PRDM15: variants seen among roughly 807,000 people sequenced by gnomAD.
PRDM15 encodes the protein PR/SET domain 15, also known as PR domain zinc finger protein 15.
PRDM15 carries 64 observed loss-of-function variants against 128.6 expected under a neutral mutation model. The ratio of observed to expected loss-of-function variants is 0.50; its 90% CI spans 0.41 to 0.61. The LOEUF is 0.61. PRDM15 is among the 20% of genes least tolerant of loss of function. The pLI is 0.00. For synonymous variants in PRDM15, 615 were observed against 621.8 expected, an observed-to-expected ratio of 0.99 and a Z score of 0.16; for missense variants, 1,242 against 1,569.1, an observed-to-expected ratio of 0.79 and a Z score of 3.52.
intron 1 of PRDM15, chr21:41,867,442 C>A: frequency 8.1e-7 from 1 of 1,234,708 alleles, no homozygotes; most frequent in East Asian, 2.3e-5. Flanking sequence ...GTGAAACATA[C>A]ATGTTGAAGA....
At chr21:41,838,125 C>A in intron 7 of PRDM15, 62 bp from the exon 8 acceptor site, 1 of 1,579,492 alleles carries the variant, frequency 6.3e-7, no homozygotes, top group Non-Finnish European at 8.6e-7. Flanking sequence ...CACAGTCAAA[C>A]CATGGTGACA....
intron 18 of PRDM15, among the ~76,000 whole-genome samples, chr21:41,816,795 G>T (rs1376654931): frequency 6.6e-6 from 1 of 152,050 alleles, no homozygotes; most frequent in Non-Finnish European, 1.5e-5. Flanking sequence ...ACACACAGCT[G>T]CACAACTCCT....
chr21:41,800,682 A>G lies in PRDM15; in HGVS notation c.*558T>C, dbSNP rs1049813190. 1 of 152,318 alleles carries G rather than the reference A, an allele frequency of 6.6e-6. No homozygotes were observed. The highest frequency in any genetic ancestry group is 1.9e-4 in the East Asian group (1 of 5,198). The allele number at this position is 152,318 out of a possible 1,614,324, so 9.4% of individuals were successfully genotyped here. On this transcript the variant is annotated 3_prime_UTR_variant, in exon 24 of 24. Coordinates refer to ENST00000398548, the MANE Select transcript of PRDM15 (RefSeq NM_001040424.3). ...CCTCATGGTTTCAGCCCATAGTTGT[A>G]TAAGAACCGACTCCACTCCTAGTTC...
Position 41,821,796 on chromosome 21 carries a change from G to A in PRDM15, c.1896+107C>T. Reference sequence around the variant, plus strand: ...TGGCCGGAGCCTTTGGGGAGGGAGGGCTGCTTCCGAGATGCATGAAGGTGC... The same window carrying A: ...TGGCCGGAGCCTTTGGGGAGGGAGGACTGCTTCCGAGATGCATGAAGGTGC... On this transcript the variant is annotated intron_variant, in intron 15 of 23. Transcript: ENST00000398548. This position sits in a 1 kb window ranked among gnomAD's most constrained non-coding sequence, Gnocchi z 5.4. The A allele has an allele frequency of 7.2e-7, 1 of 1,383,624 alleles. No individual in the cohort carries two copies. Among genetic ancestry groups the A allele is most frequent in the Non-Finnish European group, 1.0e-6 (1 of 995,716 alleles). 85.7% of individuals were successfully genotyped at this position (1,383,624 alleles called of 1,614,324 possible). A position where few individuals can be genotyped will look rare whatever the true frequency, so the allele number is the denominator to read the frequency against.
At position 41,854,882 on chromosome 21, in the gene PRDM15, G is replaced by A. The variant is rs754951026; in HGVS notation, c.286-64C>T. Reference sequence around the variant, plus strand: ...GCTGATTACCCATCTGTGTATCAGCGTGTGGGGGGCAGGTGCTGAGGAACC... The same window carrying A: ...GCTGATTACCCATCTGTGTATCAGCATGTGGGGGGCAGGTGCTGAGGAACC... On this transcript the variant is annotated intron_variant, in intron 4 of 23. Transcript: ENST00000398548. This position sits in a 1 kb window ranked among gnomAD's most constrained non-coding sequence, Gnocchi z 4.6. The A allele has an allele frequency of 1.4e-4, 217 of 1,537,122 alleles. 1 individual carries two copies. Among genetic ancestry groups the A allele is most frequent in the Non-Finnish European group, 1.8e-4 (205 of 1,138,550 alleles).
In PRDM15 at chr21:41,839,699, C is replaced by T. The variant is rs781398086; in HGVS notation, c.795G>A (p.Lys265=). 4 of 1,614,252 alleles carry T rather than the reference C, an allele frequency of 2.5e-6. No homozygotes were observed. In the South Asian group the frequency reaches 3.3e-5, roughly 13 times the overall value. ...CTTTGGGTTTTCTCCCCCTTCGAGG[C>T]TTTTTCTTCTGTTCTTTGGTGGCAA... ...ENVATKEQKK[K]PRRGRKPKVS... The change falls in exon 7 of 24, where the codon AAG becomes AAA. Residue 265 remains lysine, a synonymous_variant. Coordinates refer to ENST00000398548, the MANE Select transcript of PRDM15 (RefSeq NM_001040424.3).
chr21:41,818,989 T>A (rs903521578), intron 18 of PRDM15, among the ~76,000 whole-genome samples: 2 of 152,222 alleles, frequency 1.3e-5, no homozygotes, highest in African/African-American at 4.8e-5. Flanking sequence ...GGGTTTTGCA[T>A]CTACTGTCAG....
intron 1 of PRDM15, among the ~76,000 whole-genome samples, chr21:41,878,057 C>T (rs552752899): frequency 2.6e-5 from 4 of 152,350 alleles, no homozygotes; most frequent in African/African-American, 9.6e-5. Context: ...GGGGTGGGAT[C>T]ACCACCCTTA....
At chr21:41,871,643 C>T (rs373806404) in intron 1 of PRDM15, 7 of 1,593,560 alleles carry the variant, frequency 4.4e-6, no homozygotes, top group East Asian at 2.3e-5. Context: ...CAGTGGGTCA[C>T]GAAAGTAGAC....
At chr21:41,871,451 T>C in intron 1 of PRDM15, 1 of 1,496,468 alleles carries the variant, frequency 6.7e-7, no homozygotes, top group Non-Finnish European at 9.0e-7. Flanking sequence ...AGGCTGTCCC[T>C]GTCTGGGCCC....
chr21:41,873,598 C>A (rs1349541066), intron 1 of PRDM15, among the ~76,000 whole-genome samples: 2 of 152,204 alleles, frequency 1.3e-5, no homozygotes, highest in South Asian at 4.1e-4. Flanking sequence ...CAACCATGCC[C>A]TTCAGCCCTA....
chr21:41,819,489 C>G (rs545950994), intron 18 of PRDM15, 93 bp downstream of exon 18: 1 of 1,335,628 alleles, frequency 7.5e-7, no homozygotes, highest in African/African-American at 1.5e-5. Context: ...CCACCTTCCC[C>G]ACACTCCCAG....
At chr21:41,837,404 A>T (rs998065896) in intron 8 of PRDM15, among the ~76,000 whole-genome samples, 4 of 152,250 alleles carry the variant, frequency 2.6e-5, no homozygotes, top group African/African-American at 9.6e-5. Flanking sequence ...CACAGGCTAC[A>T]CATGGATGAG....
chr21:41,820,009 T>C, intron 17 of PRDM15, 86 bp downstream of exon 17: 1 of 1,153,264 alleles, frequency 8.7e-7, no homozygotes. Context: ...CGGCTCTGTG[T>C]GTAGAATACG....
chr21:41,802,784 G>A lies in PRDM15; in HGVS notation c.2871C>T (p.Tyr957=). ...CTGTGAACTCCGTCTCTTTCTCTGA[G>A]TATTCGCTGAAGGTGGCGTCCTCGG... ...PVPEDATFSE[Y]SEKETEFTGS... is the part of the protein sequence containing the mutation. Residue 957 remains tyrosine, a synonymous_variant, in exon 23 of 24, where the codon TAC becomes TAT. Coordinates refer to ENST00000398548, the MANE Select transcript of PRDM15 (RefSeq NM_001040424.3). 1.2e-6 allele frequency: 2 copies of A among 1,614,208 alleles called. No homozygotes were observed. The highest frequency in any genetic ancestry group is 1.1e-5 in the South Asian group (1 of 91,078).
In PRDM15 at chr21:41,876,330, T is replaced by A. The variant is rs76833841; in HGVS notation, c.-10+2940A>T. 2.8e-4 allele frequency among the ~76,000 whole-genome samples: 43 copies of A among 152,312 alleles called. No homozygotes were observed. In the East Asian group the frequency reaches 7.7e-3, roughly 27 times the overall value. On this transcript the variant is annotated intron_variant, in intron 1 of 23. Coordinates refer to ENST00000398548, the MANE Select transcript of PRDM15 (RefSeq NM_001040424.3). ...TCGCCTCTGTCCCTATTCCTCTTTC[T>A]AGAAATGCGAGCACAGAGAAGCTGG...
rs55653735 is a variant in PRDM15 at position 41,868,694 on chromosome 21, C to CTTTTTTTT, written c.-9-8330_-9-8323dup. On this transcript the variant is annotated intron_variant, in intron 1 of 23. Transcript: ENST00000398548. Reference sequence around the variant, plus strand: ...TTTGCCCATTTTCCTTTTTCTTTTTCTTTTTTTTTTTTTTTTGAGATGGAG... The same window carrying CTTTTTTTT: ...TTTGCCCATTTTCCTTTTTCTTTTTCTTTTTTTTTTTTTTTTTTTTTTTTGAGATGGAG... 1.2e-3 allele frequency among the ~76,000 whole-genome samples: 150 copies of CTTTTTTTT among 125,130 alleles called. 1 individual carries two copies. The highest frequency in any genetic ancestry group is 1.4e-3 in the East Asian group (6 of 4,366). The allele number at this position is 125,130 out of a possible 152,430, so 82.1% of individuals were successfully genotyped here. A position where few individuals can be genotyped will look rare whatever the true frequency, so the allele number is the denominator to read the frequency against.
intron 1 of PRDM15, among the ~76,000 whole-genome samples, chr21:41,878,323 G>C (rs78434055): frequency 6.4e-4 from 98 of 152,362 alleles, no homozygotes; most frequent in African/African-American, 2.3e-3. Flanking sequence ...TTGGGGACTT[G>C]GGGGTGAGGG....
chr21:41,839,830 G>A lies in PRDM15; in HGVS notation c.664C>T (p.Gln222Ter). 1 of 1,614,236 alleles carries A rather than the reference G, an allele frequency of 6.2e-7. No homozygotes were observed. Among genetic ancestry groups the A allele is most frequent in the Non-Finnish European group, 8.5e-7 (1 of 1,180,032 alleles). ...LNEHLLGHLE[Q>*]AKSLPPGSQS... Reference sequence around the variant, plus strand: ...CTGCCTGGAGGAAGGCTTTTGGCTTGTTCTAAGTGGCCCAACAGATGTTCT... The same window carrying A: ...CTGCCTGGAGGAAGGCTTTTGGCTTATTCTAAGTGGCCCAACAGATGTTCT... The change falls in exon 7 of 24, where the codon CAA (glutamine) becomes TAA (stop). Residue 222 changes from glutamine (Q) to a stop codon, truncating the protein, a stop_gained. Transcript: ENST00000398548. LOFTEE classifies it high-confidence loss of function.
Sources: gnomAD v4.1 joint callset for allele counts (sites outside exome capture counted in the v4.1 genomes callset) on GRCh38, gnomAD v4.1.1 for gene constraint, Gnocchi (gnomAD v3.1) non-coding constraint, MANE v1.5 for transcripts, NCBI Gene and HGNC (gene_info 2026-07-23, HGNC 2026-07-21) for gene names.